DIAPH2: variants seen among roughly 807,000 people sequenced by gnomAD.
The protein encoded by DIAPH2 is diaphanous related formin 2.
A neutral mutation model predicts 92.7 loss-of-function variants in DIAPH2; 35 were observed. That is an observed-to-expected ratio of 0.38 (90% CI 0.29 to 0.50). The LOEUF (loss-of-function observed/expected upper bound fraction) is 0.50, where lower values mean the gene tolerates loss of function less well. Ranked by LOEUF, DIAPH2 falls within the 20% of genes least tolerant of loss-of-function variation. DIAPH2 has a pLI of 0.94. For synonymous variants in DIAPH2, 301 were observed against 280.4 expected (o/e 1.07, Z -0.73); for missense variants, 701 against 819.5 (o/e 0.86, Z 1.77).
At chrX:97,211,649 G>A (rs2067841398) in intron 22 of DIAPH2, among the ~76,000 whole-genome samples, 1 of 111,504 alleles carries the variant, frequency 9.0e-6, no homozygotes, top group African/African-American at 3.3e-5. Context: ...TTGCCACACT[G>A]CACACTTAGA....
In DIAPH2 at chrX:96,790,059, CTTTTTTG is replaced by C. The variant is rs1200218900; in HGVS notation, c.447+31815_447+31821del. On this transcript the variant is annotated intron_variant, in intron 4 of 26. Transcript: ENST00000324765. ...TCCTAAAATGTTCAAAATTTAATTT[CTTTTTTG>C]TTTTTTGTTTTTTTTTTTTTGAGAC... is the stretch of plus-strand genomic sequence containing the variant. Among the ~76,000 whole-genome samples the C allele has an allele frequency of 1.2e-4, 13 of 108,240 alleles. No individual in the cohort carries two copies. In the East Asian group the frequency reaches 1.4e-3, roughly 12 times the overall value. The allele number at this position is 108,240 out of a possible 115,157, so 94.0% of individuals were successfully genotyped here.
chrX:96,767,796 A>C, intron 4 of DIAPH2, among the ~76,000 whole-genome samples: 1 of 112,063 alleles, frequency 8.9e-6, no homozygotes, highest in Non-Finnish European at 1.9e-5. Context: ...GGTGTGGATT[A>C]TTGCTGGGCT....
At chrX:97,218,093 C>CTT (rs765085038) in intron 22 of DIAPH2, among the ~76,000 whole-genome samples, 29 of 102,538 alleles carry the variant, frequency 2.8e-4, no homozygotes, top group African/African-American at 5.3e-4. Flanking sequence ...ACATGCTTTT[C>CTT]TTTTTTTTTT....
chrX:97,231,742 T>G (rs7059548), intron 22 of DIAPH2, among the ~76,000 whole-genome samples: 3,397 of 110,792 alleles, frequency 0.031, 145 homozygotes, highest in African/African-American at 0.11. Context: ...CTCAGAGAGA[T>G]AAAATATTGC....
intron 21 of DIAPH2, among the ~76,000 whole-genome samples, chrX:97,115,370 T>C (rs1193024090): frequency 9.1e-6 from 1 of 109,916 alleles, no homozygotes; most frequent in East Asian, 2.9e-4. Flanking sequence ...ACCCCGTCTC[T>C]ACTAAAATTA....
At chrX:96,752,188 T>C (rs1264650005) in intron 3 of DIAPH2, among the ~76,000 whole-genome samples, 3 of 111,713 alleles carry the variant, frequency 2.7e-5, no homozygotes, top group Non-Finnish European at 1.9e-5. Flanking sequence ...TTTGGAAGTG[T>C]TAGCTGCCTA....
chrX:96,816,432 A>G (rs1272828411), intron 4 of DIAPH2, among the ~76,000 whole-genome samples: 3 of 112,369 alleles, frequency 2.7e-5, no homozygotes, highest in African/African-American at 9.7e-5. Flanking sequence ...ATGAAGTAAT[A>G]GAAAATTAAT....
At chrX:96,809,265 C>A (rs932363327) in intron 4 of DIAPH2, among the ~76,000 whole-genome samples, 4 of 107,880 alleles carry the variant, frequency 3.7e-5, no homozygotes, top group Non-Finnish European at 7.7e-5. Context: ...CTCCCTATTT[C>A]AAAGTACAAA....
chrX:97,049,257 ATACT>A (rs953736999), intron 17 of DIAPH2, among the ~76,000 whole-genome samples: 2 of 110,753 alleles, frequency 1.8e-5, no homozygotes, highest in Non-Finnish European at 3.8e-5. Context: ...GGAGTAGCAA[ATACT>A]TACTTTCCCT....
At chrX:97,546,791 G>A (rs770096133) in intron 26 of DIAPH2, among the ~76,000 whole-genome samples, 3 of 110,260 alleles carry the variant, frequency 2.7e-5, no homozygotes, top group East Asian at 2.9e-4. Context: ...AGCCAAGATC[G>A]CGCCATTGCC....
At chrX:96,856,176 T>C (rs1430259101) in intron 4 of DIAPH2, among the ~76,000 whole-genome samples, 1 of 111,819 alleles carries the variant, frequency 8.9e-6, no homozygotes, top group Non-Finnish European at 1.9e-5. Flanking sequence ...TATCTAATTC[T>C]CCATGCCATT....
intron 23 of DIAPH2, among the ~76,000 whole-genome samples, chrX:97,344,550 T>A (rs758321298): frequency 4.4e-5 from 5 of 112,490 alleles, no homozygotes; most frequent in Non-Finnish European, 7.5e-5. Context: ...TGGTTGCAAT[T>A]GTGAAAAATT....
At chrX:97,477,241 G>A (rs1202169583) in intron 26 of DIAPH2, among the ~76,000 whole-genome samples, 1 of 108,785 alleles carries the variant, frequency 9.2e-6, no homozygotes, top group East Asian at 2.9e-4. Flanking sequence ...GAGGCAGGGA[G>A]AATTGCTTAA....
chrX:97,600,678 C>CTAAT lies in DIAPH2; in HGVS notation c.*1363_*1366dup, dbSNP rs2071588451. ...ACTTCTCTGGAGTGCAATTTTAAGT[C>CTAAT]TAATTCATGCAGATGATTGATTGTG... On this transcript the variant is annotated 3_prime_UTR_variant, in exon 27 of 27. Coordinates refer to ENST00000324765, the MANE Select transcript of DIAPH2 (RefSeq NM_006729.5). 1 of 112,006 alleles carries CTAAT rather than the reference C, an allele frequency of 8.9e-6. No homozygotes were observed. Among genetic ancestry groups the CTAAT allele is most frequent in the Admixed American group, 9.5e-5 (1 of 10,505 alleles). 9.2% of individuals were successfully genotyped at this position (112,006 alleles called of 1,213,427 possible).
intron 22 of DIAPH2, among the ~76,000 whole-genome samples, chrX:97,149,592 G>A (rs944417235): frequency 9.2e-5 from 10 of 108,662 alleles, no homozygotes; most frequent in Non-Finnish European, 1.3e-4. Flanking sequence ...GTAGCCAGGC[G>A]TGGTCGCGGG....
chrX:96,782,224 G>A (rs2064422711), intron 4 of DIAPH2, among the ~76,000 whole-genome samples: 1 of 111,827 alleles, frequency 8.9e-6, no homozygotes, highest in Non-Finnish European at 1.9e-5. Context: ...TCAGCCTCCT[G>A]AGTAGCTGGG....
intron 26 of DIAPH2, among the ~76,000 whole-genome samples, chrX:97,585,113 G>A (rs2071470783): frequency 9.0e-6 from 1 of 111,677 alleles, no homozygotes; most frequent in Non-Finnish European, 1.9e-5. Context: ...TTGTATATCA[G>A]TGATCAGTAC....
intron 25 of DIAPH2, among the ~76,000 whole-genome samples, chrX:97,423,096 T>C (rs2070026388): frequency 9.0e-6 from 1 of 111,535 alleles, no homozygotes. Context: ...ACGGTGGGTT[T>C]GTGTCATTGC....
At chrX:97,218,836 T>G (rs982861567) in intron 22 of DIAPH2, among the ~76,000 whole-genome samples, 1 of 111,807 alleles carries the variant, frequency 8.9e-6, no homozygotes, top group Admixed American at 9.5e-5. Flanking sequence ...GTTTTAAAAA[T>G]GTGTATTATT....
Sources: gnomAD v4.1 joint callset for allele counts (sites outside exome capture counted in the v4.1 genomes callset) on GRCh38, gnomAD v4.1.1 for gene constraint, MANE v1.5 for transcripts, NCBI Gene and HGNC (gene_info 2026-07-23, HGNC 2026-07-21) for gene names.